Variants in ZC3H3 observed in about 807,000 individuals in gnomAD.
The protein encoded by ZC3H3 is zinc finger CCCH domain-containing protein 3.
A neutral mutation model predicts 77.3 loss-of-function variants in ZC3H3; 36 were observed. The ratio of observed to expected loss-of-function variants is 0.47; its 90% CI spans 0.36 to 0.61. The LOEUF is 0.61. Among genes scored for constraint, ZC3H3 ranks in the 20% least tolerant of loss-of-function variants. The probability of loss-of-function intolerance (pLI) is 0.00; values close to 1 mark genes in which losing one functional copy is unlikely to be tolerated. For missense variants in ZC3H3, 1,331 were observed against 1,312.2 expected (o/e 1.01, Z -0.22); for synonymous variants, 626 against 555.2 (o/e 1.13, Z -1.79).
intron 9 of ZC3H3, among the ~76,000 whole-genome samples, chr8:143,441,491 G>C (rs1007036468): frequency 6.6e-6 from 1 of 152,196 alleles, no homozygotes. Flanking sequence ...GAGGGAGCCC[G>C]GGAAGGTGGG....
At chr8:143,512,995 CAG>C (rs1445346968) in intron 3 of ZC3H3, among the ~76,000 whole-genome samples, 1 of 151,498 alleles carries the variant, frequency 6.6e-6, no homozygotes, top group African/African-American at 2.4e-5. Flanking sequence ...GGCCCAGCGC[CAG>C]AGGAGTCGGG....
chr8:143,438,207 G>A (rs775335904), intron 11 of ZC3H3, 120 bp from the exon 12 acceptor site: 3 of 1,286,104 alleles, frequency 2.3e-6, no homozygotes, highest in Non-Finnish European at 3.3e-6. Context: ...CACACAGCAA[G>A]GTCTGCAGAG....
Position 143,528,851 on chromosome 8 carries a change from C to A in ZC3H3, c.1561+7406G>T, listed in dbSNP as rs34703193. On this transcript the variant is annotated intron_variant, in intron 3 of 11. Coordinates refer to ENST00000262577, the MANE Select transcript of ZC3H3 (RefSeq NM_015117.3). ...GTCCTCTGGGAGGGGGGGCGCCTCA[C>A]CCTCACCAGGAGCTGCCGCAGCCTG... 8.4e-3 allele frequency among the ~76,000 whole-genome samples: 1,282 copies of A among 152,340 alleles called. 9 individuals carry two copies. The highest frequency in any genetic ancestry group is 0.029 in the African/African-American group (1,213 of 41,576).
chr8:143,526,160 C>T (rs1372357269), intron 3 of ZC3H3, among the ~76,000 whole-genome samples: 1 of 152,242 alleles, frequency 6.6e-6, no homozygotes. Context: ...GTGGGAGAAC[C>T]CTGGAGAGAC....
intron 11 of ZC3H3, among the ~76,000 whole-genome samples, chr8:143,438,544 G>T (rs542141406): frequency 4.5e-4 from 68 of 152,298 alleles, no homozygotes; most frequent in African/African-American, 1.5e-3. Context: ...AAGCTGTGGC[G>T]GGGAGGGGCA....
chr8:143,475,670 C>T, intron 4 of ZC3H3, 85 bp from the exon 5 acceptor site: 1 of 1,433,780 alleles, frequency 7.0e-7, no homozygotes, highest in Admixed American at 2.5e-5. Flanking sequence ...GAGCCCAGGC[C>T]TGGCCTCCCA....
intron 4 of ZC3H3, among the ~76,000 whole-genome samples, chr8:143,478,219 CT>C (rs1563850300): frequency 6.6e-6 from 1 of 152,226 alleles, no homozygotes; most frequent in Non-Finnish European, 1.5e-5. Context: ...GAGTGTCCCC[CT>C]GACTGAGGCT....
chr8:143,500,097 A>G (rs367892729), intron 4 of ZC3H3, among the ~76,000 whole-genome samples: 1 of 151,666 alleles, frequency 6.6e-6, no homozygotes, highest in African/African-American at 2.4e-5. Context: ...TCAACCCCCC[A>G]CAGGCCCCTG....
chr8:143,441,011 C>A lies in ZC3H3; in HGVS notation c.2417G>T (p.Arg806Leu). The change falls in exon 10 of 12, where the codon CGG becomes CTG. Residue 806 changes from arginine (R) to leucine (L), a missense_variant. Around this residue, in one of 3 missense-constraint regions of ZC3H3, gnomAD observed 249 missense variants for 236.9 expected, o/e 1.05. Coordinates refer to ENST00000262577, the MANE Select transcript of ZC3H3 (RefSeq NM_015117.3). ...LHRTQKRHSR[R>L]AATSPAPGPS... ...CCCTGGGGCGGGGGACGTGGCTGCCCGCCGACTGTGGCGTTTCTGGGTACG... is the reference window on the plus strand; with the variant it reads ...CCCTGGGGCGGGGGACGTGGCTGCCAGCCGACTGTGGCGTTTCTGGGTACG... 6.8e-7 allele frequency: 1 copy of A among 1,473,570 alleles called. No individual in the cohort carries two copies. The highest frequency in any genetic ancestry group is 2.7e-5 in the Admixed American group (1 of 36,824). The allele number at this position is 1,473,570 out of a possible 1,614,324, so 91.3% of individuals were successfully genotyped here.
At chr8:143,454,022 C>T (rs1441870883) in intron 9 of ZC3H3, among the ~76,000 whole-genome samples, 1 of 152,052 alleles carries the variant, frequency 6.6e-6, no homozygotes, top group African/African-American at 2.4e-5. Flanking sequence ...CTGAAGTCAA[C>T]TGTGGTCCAA....
chr8:143,465,624 G>A, intron 9 of ZC3H3, 93 bp downstream of exon 9: 1 of 1,554,884 alleles, frequency 6.4e-7, no homozygotes, highest in Non-Finnish European at 8.7e-7. Context: ...CTGCAGATGG[G>A]TCATCCAGCC....
At position 143,507,808 on chromosome 8, in the gene ZC3H3, G is replaced by A. The variant is rs923223322; in HGVS notation, c.1653C>T (p.Leu551=). Residue 551 remains leucine, a synonymous_variant, in exon 4 of 12, where the codon CTC becomes CTT. Transcript: ENST00000262577. ...RIVKKTPASP[L]SAPPFPLSLP... Reference sequence around the variant, plus strand: ...GAGACAGGGGGAAGGGCGGGGCGCTGAGAGGCGAGGCCGGCGTCTTCTTGA... The same window carrying A: ...GAGACAGGGGGAAGGGCGGGGCGCTAAGAGGCGAGGCCGGCGTCTTCTTGA... 1.9e-6 allele frequency: 3 copies of A among 1,607,902 alleles called. No homozygotes were observed. The African/African-American group carries it at 4.0e-5, about 21-fold the overall frequency.
At chr8:143,502,444 C>T (rs1409340722) in intron 4 of ZC3H3, among the ~76,000 whole-genome samples, 1 of 152,232 alleles carries the variant, frequency 6.6e-6, no homozygotes, top group East Asian at 1.9e-4. Flanking sequence ...TTTCAGAGCC[C>T]TTCAAAATCC....
intron 1 of ZC3H3, among the ~76,000 whole-genome samples, chr8:143,540,955 C>CA (rs1194678893): frequency 1.3e-4 from 20 of 149,738 alleles, no homozygotes; most frequent in Middle Eastern, 3.5e-3. Flanking sequence ...GACTCTGTCT[C>CA]AAAAAAAACC....
chr8:143,440,840 G>C, intron 10 of ZC3H3, 96 bp downstream of exon 10: 1 of 1,257,170 alleles, frequency 8.0e-7, no homozygotes, highest in South Asian at 2.4e-5. Flanking sequence ...CAAAGAGCTG[G>C]AGTTGGCGGG....
chr8:143,494,728 G>A lies in ZC3H3; in HGVS notation c.1715+13018C>T, dbSNP rs952829788. ...CACACTCACCCTGAGACCCTGGGCA[G>A]GAACAAAGGCCTCATTCCACCAGGT... On this transcript the variant is annotated intron_variant, in intron 4 of 11. Transcript: ENST00000262577. This position sits in a 1 kb window ranked among gnomAD's most constrained non-coding sequence, Gnocchi z 5.3. Among the ~76,000 whole-genome samples the A allele has an allele frequency of 2.0e-5, 3 of 152,216 alleles. No individual in the cohort carries two copies. The highest frequency in any genetic ancestry group is 2.0e-4 in the Admixed American group (3 of 15,286).
chr8:143,453,370 C>T (rs1298577171), intron 9 of ZC3H3, among the ~76,000 whole-genome samples: 1 of 152,036 alleles, frequency 6.6e-6, no homozygotes, highest in Admixed American at 6.6e-5. Context: ...ATTACAGGAA[C>T]GAGTCACAGC....
intron 3 of ZC3H3, among the ~76,000 whole-genome samples, chr8:143,516,525 T>TCACACACA (rs57359541): frequency 1.1e-4 from 15 of 140,024 alleles, no homozygotes; most frequent in East Asian, 2.2e-4. Context: ...AACTTTGCAA[T>TCACACACA]CACACACACA....
intron 9 of ZC3H3, among the ~76,000 whole-genome samples, chr8:143,443,156 G>A (rs887265546): frequency 2.0e-5 from 3 of 151,940 alleles, no homozygotes; most frequent in East Asian, 1.9e-4. Context: ...GTGGTGGCAC[G>A]CACCTGTAAT....
Sources: gnomAD v4.1 joint callset for allele counts (sites outside exome capture counted in the v4.1 genomes callset) on GRCh38, gnomAD v4.1.1 for gene constraint, gnomAD v4.1.1 regional missense constraint, Gnocchi (gnomAD v3.1) non-coding constraint, MANE v1.5 for transcripts, NCBI Gene and HGNC (gene_info 2026-07-23, HGNC 2026-07-21) for gene names.